Variants in ZMYM2 observed in about 807,000 individuals in gnomAD.
The protein encoded by ZMYM2 is zinc finger MYM-type protein 2.
A neutral mutation model predicts 162.8 loss-of-function variants in ZMYM2; 56 were observed. The observed-to-expected ratio is 0.34, with a 90% CI of 0.28 to 0.43. The LOEUF is 0.43. ZMYM2 is among the 20% of genes least tolerant of loss of function. ZMYM2 has a pLI of 1.00. For synonymous variants in ZMYM2, 510 were observed against 541.6 expected (o/e 0.94, Z 0.81); for missense variants, 1,275 against 1,621.8 (o/e 0.79, Z 3.67).
At chr13:20,060,930 T>A (rs1429004826) in intron 16 of ZMYM2, 123 bp from the exon 17 acceptor site, 1 of 934,544 alleles carries the variant, frequency 1.1e-6, no homozygotes, top group East Asian at 2.7e-5. Context: ...TTGTATGTGT[T>A]CTTTTCAAAG....
the ZMYM2 span, among the ~76,000 whole-genome samples, chr13:19,884,711 T>C: frequency 1.8e-4 from 28 of 152,240 alleles, no homozygotes; most frequent in Admixed American, 4.6e-4. Flanking sequence ...GGCGGATTCC[T>C]GGTCCAGAAA....
Position 20,036,740 on chromosome 13 carries a change from G to C in ZMYM2, c.2123G>C (p.Cys708Ser). Residue 708 changes from cysteine to serine, a missense_variant, in exon 12 of 25, where the codon TGC becomes TCC. By Grantham distance (112) the Cys-to-Ser change is moderately radical (BLOSUM62 -1). Transcript: ENST00000610343. ...ATATAAATCTTATATTTTTCAGGCTGCAAATTATTATACAAACAGGATTTT... is the reference window on the plus strand; with the variant it reads ...ATATAAATCTTATATTTTTCAGGCTCCAAATTATTATACAAACAGGATTTT... Reference protein sequence around the residue: ...GVKRPFCSEGCKLLYKQDFAR... With the variant: ...GVKRPFCSEGSKLLYKQDFAR... The C allele has an allele frequency of 6.5e-7, 1 of 1,526,884 alleles. No homozygotes were observed. Among genetic ancestry groups the C allele is most frequent in the Non-Finnish European group, 8.8e-7 (1 of 1,138,916 alleles). 94.6% of individuals were successfully genotyped at this position (1,526,884 alleles called of 1,614,324 possible). A position where few individuals can be genotyped will look rare whatever the true frequency, so the allele number is the denominator to read the frequency against.
chr13:20,082,948 C>T lies in ZMYM2; in HGVS notation c.3736C>T (p.His1246Tyr). ...LRLSFGTVFR[H>Y]WKKNPLTMEN... ...ACTTTCCTTTGGCACTGTGTTTAGG[C>T]ATTGGAAAAAAAATCCTTTAACGAT... is the stretch of plus-strand genomic sequence containing the variant. The change falls in exon 23 of 25, where the codon CAT (histidine) becomes TAT (tyrosine). Residue 1246 changes from histidine to tyrosine, a missense_variant. His to Tyr is a moderately conservative substitution (Grantham distance 83, BLOSUM62 2). This residue lies in a region of ZMYM2 where 103 missense variants were observed against 192.2 expected (regional missense o/e 0.54). Coordinates refer to ENST00000610343, the MANE Select transcript of ZMYM2 (RefSeq NM_197968.4). The T allele has an allele frequency of 3.7e-6, 6 of 1,613,854 alleles. No homozygotes were observed. Among genetic ancestry groups the T allele is most frequent in the Non-Finnish European group, 5.1e-6 (6 of 1,179,846 alleles).
chr13:19,963,375 G>C (rs1041327706), intron 2 of ZMYM2, among the ~76,000 whole-genome samples: 2 of 152,156 alleles, frequency 1.3e-5, no homozygotes, highest in African/African-American at 4.8e-5. Flanking sequence ...TTCTAATGCA[G>C]GTCTCCAATA....
intron 2 of ZMYM2, among the ~76,000 whole-genome samples, chr13:19,980,394 C>T (rs1423995979): frequency 6.6e-6 from 1 of 152,014 alleles, no homozygotes; most frequent in Non-Finnish European, 1.5e-5. Context: ...CCCTACCTCA[C>T]TGTTTTATTT....
chr13:19,944,010 C>T, the ZMYM2 span, among the ~76,000 whole-genome samples: 2 of 152,018 alleles, frequency 1.3e-5, no homozygotes, highest in East Asian at 1.9e-4. Flanking sequence ...GTAAAATATG[C>T]GGGGCTGTAG....
At chr13:19,864,189 G>C in the ZMYM2 span, 1 of 154,364 alleles carries the variant, frequency 6.5e-6, no homozygotes, top group Admixed American at 6.5e-5. Context: ...GCGGGGCCAA[G>C]TGAGCTTTCG....
At chr13:20,049,899 G>T (rs979035205) in intron 12 of ZMYM2, among the ~76,000 whole-genome samples, 1 of 151,864 alleles carries the variant, frequency 6.6e-6, no homozygotes, top group Admixed American at 6.6e-5. Flanking sequence ...TTTATGCTTT[G>T]TCTTTTCTTT....
the ZMYM2 span, among the ~76,000 whole-genome samples, chr13:19,873,212 TGGACGATCCTCCTCCCCTGACCA>T: frequency 6.6e-6 from 1 of 152,010 alleles, no homozygotes; most frequent in Non-Finnish European, 1.5e-5. Flanking sequence ...TTTTCCATTG[TGGACGATCCTCCTCCCCTGACCA>T]GGATCTGGTC....
intron 2 of ZMYM2, among the ~76,000 whole-genome samples, chr13:19,961,101 A>G (rs750743661): frequency 6.6e-5 from 10 of 151,234 alleles, no homozygotes; most frequent in Non-Finnish European, 1.2e-4. Context: ...ATTGTATGCT[A>G]GCCCAATTCT....
the ZMYM2 span, among the ~76,000 whole-genome samples, chr13:19,865,818 A>AT: frequency 6.6e-6 from 1 of 152,216 alleles, no homozygotes; most frequent in Non-Finnish European, 1.5e-5. Context: ...AGGAAAAAAA[A>AT]GTCTTCATTG....
At position 20,083,731 on chromosome 13, in the gene ZMYM2, C is replaced by T. The variant is rs1490732729; in HGVS notation, c.3896C>T (p.Pro1299Leu). ...VFEQIENTAN[P>L]SRCPVKMFEC... ...GAACAAATTGAAAACACAGCCAATCCTTCCAGATGTCCTGTGAAAATGTTT... is the reference window on the plus strand; with the variant it reads ...GAACAAATTGAAAACACAGCCAATCTTTCCAGATGTCCTGTGAAAATGTTT... Residue 1299 changes from proline to leucine, a missense_variant, in exon 24 of 25, where the codon CCT (proline) becomes CTT (leucine). This residue lies in a region of ZMYM2 where 103 missense variants were observed against 192.2 expected (regional missense o/e 0.54). Transcript: ENST00000610343. 6.2e-7 allele frequency: 1 copy of T among 1,600,916 alleles called. No individual in the cohort carries two copies. Among genetic ancestry groups the T allele is most frequent in the Non-Finnish European group, 8.5e-7 (1 of 1,172,608 alleles).
the ZMYM2 span, among the ~76,000 whole-genome samples, chr13:19,895,752 T>G: frequency 0.86 from 130,063 of 151,584 alleles, 58,390 homozygotes; most frequent in East Asian, 1. Context: ...TTTTGGAGGG[T>G]ACATTCAAAC....
At chr13:20,017,625 T>TG (rs1045133704) in intron 6 of ZMYM2, among the ~76,000 whole-genome samples, 14 of 151,998 alleles carry the variant, frequency 9.2e-5, no homozygotes, top group Non-Finnish European at 1.9e-4. Flanking sequence ...CTTTTTTTTT[T>TG]TTGTTACAAG....
At chr13:20,079,753 G>A (rs1566473248) in intron 21 of ZMYM2, among the ~76,000 whole-genome samples, 1 of 152,140 alleles carries the variant, frequency 6.6e-6, no homozygotes, top group Non-Finnish European at 1.5e-5. Flanking sequence ...ACTTCATTTA[G>A]GAACTGCTTT....
intron 5 of ZMYM2, 40 bp downstream of exon 5, chr13:20,005,279 A>G (rs1950655416): frequency 2.1e-6 from 3 of 1,405,652 alleles, no homozygotes; most frequent in African/African-American, 1.5e-5. Flanking sequence ...TCTAACAAAT[A>G]GGAATATTTT....
At chr13:19,970,321 C>T (rs1484392699) in intron 2 of ZMYM2, among the ~76,000 whole-genome samples, 1 of 151,922 alleles carries the variant, frequency 6.6e-6, no homozygotes. Flanking sequence ...AAGGGGATCA[C>T]AGGGATAGGG....
chr13:19,965,085 A>AT (rs1389232092), intron 2 of ZMYM2: 1 of 267,810 alleles, frequency 3.7e-6, no homozygotes, highest in African/African-American at 3.6e-5. Context: ...TTAAAGTATA[A>AT]TAAAAAAAAA....
intron 2 of ZMYM2, among the ~76,000 whole-genome samples, chr13:19,976,434 A>AATTTACTAT (rs1956801837): frequency 6.6e-6 from 1 of 152,044 alleles, no homozygotes; most frequent in African/African-American, 2.4e-5. Context: ...AACAACATAA[A>AATTTACTAT]ATTTACTATT....
Sources: gnomAD v4.1 joint callset for allele counts (sites outside exome capture counted in the v4.1 genomes callset) on GRCh38, gnomAD v4.1.1 for gene constraint, gnomAD v4.1.1 regional missense constraint, MANE v1.5 for transcripts, NCBI Gene and HGNC (gene_info 2026-07-23, HGNC 2026-07-21) for gene names.